The following ARHGAP33 variants were observed in gnomAD, a reference collection of about 807,000 sequenced individuals.
The protein encoded by ARHGAP33 is rho GTPase-activating protein 33.
In ARHGAP33, 57 loss-of-function variants were observed where a neutral mutation model predicts 126.2. The ratio of observed to expected loss-of-function variants is 0.45; its 90% CI spans 0.36 to 0.56. The LOEUF (loss-of-function observed/expected upper bound fraction) is 0.56, where lower values mean the gene tolerates loss of function less well. Among genes scored for constraint, ARHGAP33 ranks in the 20% least tolerant of loss-of-function variants. ARHGAP33 has a pLI of 0.00. For synonymous variants in ARHGAP33, 711 were observed against 755.0 expected, an observed-to-expected ratio of 0.94 and a Z score of 0.95; for missense variants, 1,500 against 1,748.3, an observed-to-expected ratio of 0.86 and a Z score of 2.53.
chr19:35,786,174 G>A lies in ARHGAP33; in HGVS notation c.1943-239G>A. 7.2e-7 allele frequency: 1 copy of A among 1,383,594 alleles called. No homozygotes were observed. The highest frequency in any genetic ancestry group is 9.3e-7 in the Non-Finnish European group (1 of 1,073,072). The allele number at this position is 1,383,594 out of a possible 1,614,324, so 85.7% of individuals were successfully genotyped here. On this transcript the variant is annotated intron_variant, in intron 19 of 20. Transcript: ENST00000007510. The surrounding 1 kb of genome is among the most constrained non-coding windows in gnomAD (Gnocchi z 7.0). ...GCCCAGGTGCTGTCCTGCTGGCTCAGCAGCTGTATGTGAATCTGTTGGTCT... is the reference window on the plus strand; with the variant it reads ...GCCCAGGTGCTGTCCTGCTGGCTCAACAGCTGTATGTGAATCTGTTGGTCT...
rs567996125 is a variant in ARHGAP33, at chr19:35,778,674, C to T, written c.408+73C>T. ...CCACAGTGTGAAATCATCAAGGCAG[C>T]GGGATAGAGAAATATTTAAATACTG... On this transcript the variant is annotated intron_variant, in intron 5 of 20. Transcript: ENST00000007510. 164 of 1,530,788 alleles carry T rather than the reference C, an allele frequency of 1.1e-4. 1 individual carries two copies. Among genetic ancestry groups the T allele is most frequent in the Non-Finnish European group, 1.2e-4 (136 of 1,139,244 alleles). The allele number at this position is 1,530,788 out of a possible 1,614,324, so 94.8% of individuals were successfully genotyped here. A position where few individuals can be genotyped will look rare whatever the true frequency, so the allele number is the denominator to read the frequency against.
rs758976528 is a variant in ARHGAP33, at chr19:35,785,217, C to A, written c.1750C>A (p.Arg584=). ...RRKGERGEKQ[R]KPGGSSWKTF... The stretch of plus-strand genomic sequence containing the variant: ...GAAAGGGGAGAGAGGGGAGAAGCAG[C>A]GGAAGCCAGGGGGCAGCAGCTGGAA... The change falls in exon 18 of 21, where the codon CGG becomes AGG. Residue 584 remains arginine (R), a synonymous_variant. Coordinates refer to ENST00000007510, the MANE Select transcript of ARHGAP33 (RefSeq NM_001366178.1). 8.2e-6 allele frequency: 13 copies of A among 1,578,944 alleles called. No individual in the cohort carries two copies. In the South Asian group the frequency reaches 1.5e-4, roughly 18 times the overall value.
intron 6 of ARHGAP33, chr19:35,779,827 C>T (rs1365274833): frequency 2.3e-6 from 1 of 434,534 alleles, no homozygotes; most frequent in Non-Finnish European, 4.7e-6. Context: ...TCCAGGCTCA[C>T]CCTCCCAAAG....
chr19:35,781,175 C>G lies in ARHGAP33; in HGVS notation c.1008C>G (p.Ser336=). The change falls in exon 12 of 21, where the codon TCC becomes TCG. Residue 336 remains serine, a synonymous_variant. Transcript: ENST00000007510. ...TGCCCCAGGTGCTGCGCTGCTGCTCCGAGTTCATTGAGGCCCACGGGGTGG... is the reference window on the plus strand; with the variant it reads ...TGCCCCAGGTGCTGCGCTGCTGCTCGGAGTTCATTGAGGCCCACGGGGTGG... ...QDVPQVLRCC[S]EFIEAHGVVD... 6.2e-7 allele frequency: 1 copy of G among 1,613,866 alleles called. No individual in the cohort carries two copies. Among genetic ancestry groups the G allele is most frequent in the Middle Eastern group, 1.6e-4 (1 of 6,062 alleles).
In ARHGAP33 at chr19:35,788,554, G is replaced by C; in HGVS notation, c.*125G>C. On this transcript the variant is annotated 3_prime_UTR_variant, in exon 21 of 21. Coordinates refer to ENST00000007510, the MANE Select transcript of ARHGAP33 (RefSeq NM_001366178.1). The stretch of plus-strand genomic sequence containing the variant: ...CCCCAGGTTTCTAACTTTGTAACTT[G>C]CTTCTGATGTGGGTCCCTAACCTAT... 1.1e-6 allele frequency: 1 copy of C among 876,914 alleles called. No homozygotes were observed. The highest frequency in any genetic ancestry group is 1.7e-6 in the Non-Finnish European group (1 of 603,184). 54.3% of individuals were successfully genotyped at this position (876,914 alleles called of 1,614,324 possible). A position where few individuals can be genotyped will look rare whatever the true frequency, so the allele number is the denominator to read the frequency against.
rs746996942 is a variant in ARHGAP33 at position 35,788,151 on chromosome 19, C to T, written c.3586C>T (p.Arg1196Cys). 17 of 1,610,598 alleles carry T rather than the reference C, an allele frequency of 1.1e-5. No homozygotes were observed. Among genetic ancestry groups the T allele is most frequent in the African/African-American group, 5.4e-5 (4 of 74,452 alleles). ...TTCCCCTCCTGCCCACCCCCGAAGC[C>T]GTTCAGATCCCGGTCCCCCAGTCCC... ...SSSPPAHPRS[R>C]SDPGPPVPRL... The change falls in exon 21 of 21, where the codon CGT (arginine) becomes TGT (cysteine). Residue 1196 changes from arginine to cysteine, a missense_variant. Transcript: ENST00000007510.
intron 19 of ARHGAP33, 26 bp downstream of exon 19, chr19:35,785,509 C>G (rs752754825): frequency 6.2e-7 from 1 of 1,613,908 alleles, no homozygotes; most frequent in Admixed American, 1.7e-5. Flanking sequence ...AATTGGGGGG[C>G]GCTACCTGTG....
rs1971768503 is a variant in ARHGAP33 at position 35,781,392 on chromosome 19, T to G, written c.1085+140T>G. 8.6e-6 allele frequency: 7 copies of G among 816,954 alleles called. No individual in the cohort carries two copies. The South Asian group carries it at 1.1e-4, about 13-fold the overall frequency. The allele number at this position is 816,954 out of a possible 1,614,324, so 50.6% of individuals were successfully genotyped here. On this transcript the variant is annotated intron_variant, in intron 12 of 20. Transcript: ENST00000007510. ...AGGCTGGGGTCAGGGACAGCTCTCT[T>G]GAGAGTAGAGTTAGCAGTCTAAGCG...
Position 35,780,701 on chromosome 19 carries a change from C to T in ARHGAP33, c.769+53C>T, listed in dbSNP as rs940938803. ...TGGGGAGGGGTGGGAAGGGGTGGGG[C>T]CTCCTGCGTCTTTTGCCTCCCACTC... On this transcript the variant is annotated intron_variant, in intron 9 of 20. Transcript: ENST00000007510. 2.5e-6 allele frequency: 4 copies of T among 1,610,504 alleles called. No individual in the cohort carries two copies. The African/African-American group carries it at 5.3e-5, about 22-fold the overall frequency.
intron 15 of ARHGAP33, among the ~76,000 whole-genome samples, chr19:35,783,695 TG>T: frequency 1.3e-5 from 2 of 151,982 alleles, no homozygotes; most frequent in Non-Finnish European, 2.9e-5. Context: ...TCACAGGTCA[TG>T]GGTCACAGTG....
rs972247761 is a variant in ARHGAP33 at position 35,786,177 on chromosome 19, G to C, written c.1943-236G>C. ...CAGGTGCTGTCCTGCTGGCTCAGCAGCTGTATGTGAATCTGTTGGTCTCGT... is the reference window on the plus strand; with the variant it reads ...CAGGTGCTGTCCTGCTGGCTCAGCACCTGTATGTGAATCTGTTGGTCTCGT... On this transcript the variant is annotated intron_variant, in intron 19 of 20. Transcript: ENST00000007510. The surrounding 1 kb of genome is among the most constrained non-coding windows in gnomAD (Gnocchi z 7.0). 2 of 1,391,174 alleles carry C rather than the reference G, an allele frequency of 1.4e-6. No homozygotes were observed. Among genetic ancestry groups the C allele is most frequent in the Admixed American group, 6.3e-5 (2 of 31,754 alleles). 86.2% of individuals were successfully genotyped at this position (1,391,174 alleles called of 1,614,324 possible). A position where few individuals can be genotyped will look rare whatever the true frequency, so the allele number is the denominator to read the frequency against.
At position 35,780,248 on chromosome 19, in the gene ARHGAP33, A is replaced by C; in HGVS notation, c.539A>C (p.Glu180Ala). ...GGCCGGCGACTGCTCCTCAGTGAGG[A>C]GGCGTCACTCAATATCCCTGCAGTG... ...NHGRRLLLSE[E>A]ASLNIPAVAA... The change falls in exon 7 of 21, where the codon GAG becomes GCG. Residue 180 changes from glutamate to alanine, a missense_variant. Physicochemically the swap from Glu to Ala is moderately radical, Grantham distance 107 (BLOSUM62 -1). Around this residue, in one of 6 missense-constraint regions of ARHGAP33, gnomAD observed 75 missense variants for 152.7 expected, o/e 0.49. Coordinates refer to ENST00000007510, the MANE Select transcript of ARHGAP33 (RefSeq NM_001366178.1). The C allele has an allele frequency of 6.2e-7, 1 of 1,613,952 alleles. No homozygotes were observed. Among genetic ancestry groups the C allele is most frequent in the South Asian group, 1.1e-5 (1 of 91,072 alleles).
Position 35,780,639 on chromosome 19 carries a change from CTGAAGGCGGG to C in ARHGAP33, c.762_769+2del. On this transcript the variant is annotated splice_donor_variant and coding_sequence_variant, in exon 9 of 21. Coordinates refer to ENST00000007510, the MANE Select transcript of ARHGAP33 (RefSeq NM_001366178.1). LOFTEE classifies it high-confidence loss of function. Reference sequence around the variant, plus strand: ...CTTCACAGAGCGGCCAGGTCCGGGCCTGAAGGCGGGTAAGTGCCATGGATGGATGGGAGGT... The same window carrying C: ...CTTCACAGAGCGGCCAGGTCCGGGCCTAAGTGCCATGGATGGATGGGAGGT... The C allele has an allele frequency of 7.0e-7, 1 of 1,422,822 alleles. No individual in the cohort carries two copies. The highest frequency in any genetic ancestry group is 9.4e-7 in the Non-Finnish European group (1 of 1,064,504). The allele number at this position is 1,422,822 out of a possible 1,614,324, so 88.1% of individuals were successfully genotyped here. A position where few individuals can be genotyped will look rare whatever the true frequency, so the allele number is the denominator to read the frequency against.
At chr19:35,784,704 G>A in intron 16 of ARHGAP33, 2 of 1,145,210 alleles carry the variant, frequency 1.7e-6, no homozygotes, top group Non-Finnish European at 2.1e-6. Flanking sequence ...CCTCTGGCCC[G>A]AGGTAACTGA....
In ARHGAP33 at chr19:35,777,902, C is replaced by T; in HGVS notation, c.183C>T (p.His61=). The T allele has an allele frequency of 6.2e-7, 1 of 1,614,196 alleles. No individual in the cohort carries two copies. The highest frequency in any genetic ancestry group is 1.1e-5 in the South Asian group (1 of 91,084). ...HFHYENVDFG[H]IQLLLSPDRE... is the part of the protein sequence containing the mutation. The stretch of plus-strand genomic sequence containing the variant: ...ACTACGAGAACGTTGACTTTGGCCA[C>T]ATTCAGGTATGGGGGCTTTGCATTT... Residue 61 remains histidine, a synonymous_variant, in exon 3 of 21, where the codon CAC becomes CAT. Transcript: ENST00000007510.
intron 1 of ARHGAP33, 57 bp downstream of exon 1, chr19:35,775,721 C>T (rs1429305109): frequency 1.2e-5 from 18 of 1,459,670 alleles, no homozygotes; most frequent in Non-Finnish European, 1.6e-5. Flanking sequence ...TGTCCGTGCG[C>T]AGCCCCGCCC....
At chr19:35,778,698 T>C (rs754208248) in intron 5 of ARHGAP33, 97 bp downstream of exon 5, 2 of 1,458,130 alleles carry the variant, frequency 1.4e-6, no homozygotes, top group East Asian at 2.4e-5. Flanking sequence ...ATTTAAATAC[T>C]GGTATGGCCC....
intron 3 of ARHGAP33, 99 bp downstream of exon 3, chr19:35,778,007 C>A: frequency 7.1e-7 from 1 of 1,413,596 alleles, no homozygotes; most frequent in Non-Finnish European, 9.9e-7. Flanking sequence ...ATCCCTGTGA[C>A]TGGCTGCTGC....
Position 35,788,357 on chromosome 19 carries a change from T to C in ARHGAP33, c.3792T>C (p.Ala1264=). ...YRNGGQRGEG[A]GPPPPYPTPS... ...ATGGAGGGCAAAGAGGGGAGGGGGC[T>C]GGTCCCCCACCCCCTTACCCCACTC... The change falls in exon 21 of 21, where the codon GCT becomes GCC. Residue 1264 remains alanine (A), a synonymous_variant. Transcript: ENST00000007510. 2 of 1,601,668 alleles carry C rather than the reference T, an allele frequency of 1.2e-6. No individual in the cohort carries two copies. The highest frequency in any genetic ancestry group is 1.7e-6 in the Non-Finnish European group (2 of 1,174,958).
Sources: allele counts gnomAD v4.1 joint callset (sites outside exome capture counted in the v4.1 genomes callset), GRCh38; gene constraint gnomAD v4.1.1; regional missense constraint gnomAD v4.1.1; non-coding constraint Gnocchi (gnomAD v3.1); transcripts MANE v1.5; gene names NCBI Gene and HGNC (gene_info 2026-07-23, HGNC 2026-07-21).